CRCP: variants seen among roughly 807,000 people sequenced by gnomAD.
The protein encoded by CRCP is DNA-directed RNA polymerase III subunit RPC9.
CRCP carries 18 observed loss-of-function variants against 18.5 expected under a neutral mutation model. The observed-to-expected ratio is 0.97, with a 90% confidence interval of 0.67 to 1.44. The LOEUF (loss-of-function observed/expected upper bound fraction) is 1.44. CRCP is among the 40% of genes most tolerant of loss of function. CRCP has a pLI of 0.00. For synonymous variants in CRCP, 53 were observed against 62.9 expected, an observed-to-expected ratio of 0.84 and a Z score of 0.75; for missense variants, 130 against 176.4, an observed-to-expected ratio of 0.74 and a Z score of 1.49.
intron 1 of CRCP, among the ~76,000 whole-genome samples, chr7:66,124,735 CACTT>C (rs1787570155): frequency 7.9e-6 from 1 of 126,626 alleles, no homozygotes; most frequent in African/African-American, 2.5e-5. Context: ...CAGGTGCACA[CACTT>C]ACTTTACTGA....
At chr7:66,147,628 T>C (rs911120608) in intron 5 of CRCP, among the ~76,000 whole-genome samples, 1 of 152,224 alleles carries the variant, frequency 6.6e-6, no homozygotes, top group Non-Finnish European at 1.5e-5. Context: ...TAGGTAGGCC[T>C]TGGTAGAAAC....
rs1474814111 is a variant in CRCP, at chr7:66,154,419, T to C, written c.*2062T>C. The C allele has an allele frequency of 6.6e-6, 1 of 151,960 alleles. No homozygotes were observed. Among genetic ancestry groups the C allele is most frequent in the East Asian group, 1.9e-4 (1 of 5,154 alleles). 9.4% of individuals were successfully genotyped at this position (151,960 alleles called of 1,614,324 possible). Reference sequence around the variant, plus strand: ...CGTAATGTCTCTTTTTAACACTGAATATGTTAGGTGGTTTTTCTTGATGGA... The same window carrying C: ...CGTAATGTCTCTTTTTAACACTGAACATGTTAGGTGGTTTTTCTTGATGGA... On this transcript the variant is annotated 3_prime_UTR_variant, in exon 6 of 6. Coordinates refer to ENST00000395326, the MANE Select transcript of CRCP (RefSeq NM_014478.5).
rs1367492544 is a variant in CRCP, at chr7:66,152,880, T to A, written c.*523T>A. 2 of 153,936 alleles carry A rather than the reference T, an allele frequency of 1.3e-5. No individual in the cohort carries two copies. Among genetic ancestry groups the A allele is most frequent in the Admixed American group, 6.5e-5 (1 of 15,414 alleles). 9.5% of individuals were successfully genotyped at this position (153,936 alleles called of 1,614,324 possible). A position where few individuals can be genotyped will look rare whatever the true frequency, so the allele number is the denominator to read the frequency against. The stretch of plus-strand genomic sequence containing the variant: ...ATAAGAAAAGAACCGGCCTGGCCAA[T>A]CCTTCAACAGCTCTAGAGCCCCTTT... On this transcript the variant is annotated 3_prime_UTR_variant, in exon 6 of 6. Transcript: ENST00000395326.
In CRCP at chr7:66,138,281, A is replaced by G. The variant is rs376099690; in HGVS notation, c.239+3907A>G. The stretch of plus-strand genomic sequence containing the variant: ...AGGCTGGATGCAGTGGCTCATGCCT[A>G]TTATCTCAGCACTTTGGGAGGCTGA... On this transcript the variant is annotated intron_variant, in intron 4 of 5. Transcript: ENST00000395326. Among the ~76,000 whole-genome samples, 13 of 152,220 alleles carry G rather than the reference A, an allele frequency of 8.5e-5. No homozygotes were observed. The East Asian group carries it at 2.1e-3, about 25-fold the overall frequency.
intron 5 of CRCP, among the ~76,000 whole-genome samples, chr7:66,151,411 T>C (rs532257744): frequency 6.6e-6 from 1 of 152,056 alleles, no homozygotes; most frequent in South Asian, 2.1e-4. Context: ...CTACGAAAAA[T>C]ACGAACAGTT....
chr7:66,130,290 G>A (rs143168340), intron 2 of CRCP: 1 of 216,144 alleles, frequency 4.6e-6, no homozygotes, highest in South Asian at 5.4e-5. Flanking sequence ...ATTTTTAGTA[G>A]AGATGGGGTT....
At chr7:66,130,552 T>A (rs909480095) in intron 2 of CRCP, among the ~76,000 whole-genome samples, 192 bp from the exon 3 acceptor site, 4 of 152,224 alleles carry the variant, frequency 2.6e-5, no homozygotes, top group Non-Finnish European at 2.9e-5. Context: ...TTGGCTTATA[T>A]AAAAGAACAT....
chr7:66,119,310 C>G (rs1787363475), intron 1 of CRCP, among the ~76,000 whole-genome samples: 1 of 152,220 alleles, frequency 6.6e-6, no homozygotes, highest in African/African-American at 2.4e-5. Flanking sequence ...TGCGCCCCCT[C>G]TCTATCCCTC....
At chr7:66,143,436 A>T (rs1788197625) in intron 4 of CRCP, among the ~76,000 whole-genome samples, 1 of 152,062 alleles carries the variant, frequency 6.6e-6, no homozygotes. Flanking sequence ...CTGTTTCCTA[A>T]AACTCCGGGA....
chr7:66,145,089 G>A (rs1223623921), intron 4 of CRCP, among the ~76,000 whole-genome samples: 1 of 152,080 alleles, frequency 6.6e-6, no homozygotes, highest in Non-Finnish European at 1.5e-5. Flanking sequence ...CCTGGAGGCG[G>A]AGGCTACAGT....
chr7:66,146,981 T>A (rs1433432455), intron 5 of CRCP, among the ~76,000 whole-genome samples: 1 of 152,142 alleles, frequency 6.6e-6, no homozygotes, highest in Non-Finnish European at 1.5e-5. Flanking sequence ...TGAGGATTAG[T>A]GTGACCTCAG....
chr7:66,120,523 A>G (rs934696332), intron 1 of CRCP: 2 of 151,874 alleles, frequency 1.3e-5, no homozygotes, highest in Admixed American at 1.3e-4. Flanking sequence ...TGGAGTGGAA[A>G]GGTCTGGAAG....
chr7:66,122,300 G>T lies in CRCP; in HGVS notation c.9-5404G>T, dbSNP rs112820888. 3.2e-4 allele frequency among the ~76,000 whole-genome samples: 48 copies of T among 151,752 alleles called. 4 individuals are homozygous for T. The highest frequency in any genetic ancestry group is 1.1e-3 in the African/African-American group (46 of 41,336). ...TGAGGCAGGAGAATGGCATGAACCC[G>T]GGTGGCGGAGTTTGCGGTGAGCTGA... On this transcript the variant is annotated intron_variant, in intron 1 of 5. Transcript: ENST00000395326.
chr7:66,139,077 A>T (rs539962852), intron 4 of CRCP, among the ~76,000 whole-genome samples: 288 of 152,162 alleles, frequency 1.9e-3, no homozygotes, highest in African/African-American at 5.7e-3. Context: ...GTTCCTTTTT[A>T]AAAAAATTTG....
chr7:66,130,094 A>ATTTT (rs1484336159), intron 2 of CRCP: 44 of 104,560 alleles, frequency 4.2e-4, no homozygotes, highest in Non-Finnish European at 4.8e-4. Context: ...GAGAAGCAGG[A>ATTTT]TTCTTTTTTT....
intron 5 of CRCP, among the ~76,000 whole-genome samples, chr7:66,149,702 C>T (rs942762947): frequency 2.0e-5 from 3 of 151,974 alleles, no homozygotes; most frequent in African/African-American, 7.3e-5. Flanking sequence ...CTGCATTAAA[C>T]TAAATGAAAT....
chr7:66,141,318 A>G (rs969132075), intron 4 of CRCP, among the ~76,000 whole-genome samples: 1 of 152,052 alleles, frequency 6.6e-6, no homozygotes, highest in Non-Finnish European at 1.5e-5. Context: ...GATCTTATTC[A>G]TTCTTTCTAT....
Position 66,152,658 on chromosome 7 carries a change from T to C in CRCP, c.*301T>C. On this transcript the variant is annotated 3_prime_UTR_variant, in exon 6 of 6. Transcript: ENST00000395326. ...TTTGCCCCAGTTGTGGGGAGGTCTC[T>C]GTGCACAGCGGGGAAAATGCTTGTG... 1 of 322,688 alleles carries C rather than the reference T, an allele frequency of 3.1e-6. No homozygotes were observed. The highest frequency in any genetic ancestry group is 3.3e-5 in the South Asian group (1 of 30,074). 20.0% of individuals were successfully genotyped at this position (322,688 alleles called of 1,614,324 possible).
intron 3 of CRCP, among the ~76,000 whole-genome samples, chr7:66,131,649 C>T (rs568505406): frequency 9.9e-5 from 15 of 152,044 alleles, no homozygotes; most frequent in African/African-American, 3.6e-4. Flanking sequence ...ATTATAATTC[C>T]TCCGAAATTT....
Sources: allele counts gnomAD v4.1 joint callset (sites outside exome capture counted in the v4.1 genomes callset), GRCh38; gene constraint gnomAD v4.1.1; transcripts MANE v1.5; gene names NCBI Gene and HGNC (gene_info 2026-07-23, HGNC 2026-07-21).